Variants in SYNE1 observed in about 807,000 individuals in gnomAD.
The protein encoded by SYNE1 is spectrin repeat containing nuclear envelope protein 1.
In SYNE1, 616 loss-of-function variants were observed where a neutral mutation model predicts 1,111.0. The observed-to-expected ratio is 0.55, with a 90% CI of 0.52 to 0.59. The LOEUF (loss-of-function observed/expected upper bound fraction) is 0.59, where lower values mean the gene tolerates loss of function less well. Among genes scored for constraint, SYNE1 ranks in the 20% least tolerant of loss-of-function variants. SYNE1 has a pLI of 0.00. For synonymous variants in SYNE1, 3,855 were observed against 3,825.8 expected (o/e 1.01, Z -0.28); for missense variants, 10,006 against 10,417.0 (o/e 0.96, Z 1.72).
At chr6:152,420,122 C>T (rs1004175198) in intron 39 of SYNE1, among the ~76,000 whole-genome samples, 6 of 152,106 alleles carry the variant, frequency 3.9e-5, no homozygotes, top group Non-Finnish European at 7.4e-5. Flanking sequence ...AGTTTTTAAT[C>T]GTGTCTTTAA....
chr6:152,155,726 T>G (rs1462202472), intron 132 of SYNE1, among the ~76,000 whole-genome samples, 184 bp downstream of exon 132: 2 of 152,226 alleles, frequency 1.3e-5, no homozygotes, highest in Non-Finnish European at 2.9e-5. Flanking sequence ...CTTGTTATAT[T>G]TATATATTAC....
intron 47 of SYNE1, among the ~76,000 whole-genome samples, chr6:152,400,528 T>C (rs2097796321): frequency 6.6e-6 from 1 of 151,994 alleles, no homozygotes. Context: ...CTGGGCATGG[T>C]GGTGGGTGCC....
chr6:152,480,727 G>A (rs768771394), intron 14 of SYNE1: 6 of 456,178 alleles, frequency 1.3e-5, no homozygotes, highest in South Asian at 9.3e-5. Context: ...AACCTGGCCT[G>A]AGCCCCTGTC....
At chr6:152,555,028 A>G (rs2099360170) in intron 3 of SYNE1, among the ~76,000 whole-genome samples, 1 of 152,240 alleles carries the variant, frequency 6.6e-6, no homozygotes, top group African/African-American at 2.4e-5. Flanking sequence ...ATCTTAAAAG[A>G]GGAAGACTTA....
At chr6:152,623,418 C>A (rs1352826275) in intron 3 of SYNE1, among the ~76,000 whole-genome samples, 1 of 152,098 alleles carries the variant, frequency 6.6e-6, no homozygotes, top group Non-Finnish European at 1.5e-5. Context: ...ACTATAAAAA[C>A]CACAGAAGAC....
intron 32 of SYNE1, among the ~76,000 whole-genome samples, chr6:152,437,156 AG>A (rs1241337122): frequency 6.0e-5 from 9 of 150,978 alleles, no homozygotes; most frequent in South Asian, 2.1e-4. Flanking sequence ...TTTGTCTCAA[AG>A]AAAAAAGAGA....
intron 95 of SYNE1, 72 bp from the exon 96 acceptor site, chr6:152,284,244 T>G (rs1190534162): frequency 6.7e-7 from 1 of 1,489,588 alleles, no homozygotes; most frequent in African/African-American, 1.4e-5. Context: ...ACTAGCTGAG[T>G]CTCACATCCA....
Position 152,155,446 on chromosome 6 carries a change from A to G in SYNE1, c.23979-404T>C, listed in dbSNP as rs950207710. The G allele has an allele frequency of 1.3e-5, 4 of 310,582 alleles. No individual in the cohort carries two copies. In the Admixed American group the frequency reaches 1.9e-4, roughly 15 times the overall value. 19.2% of individuals were successfully genotyped at this position (310,582 alleles called of 1,614,324 possible). A position where few individuals can be genotyped will look rare whatever the true frequency, so the allele number is the denominator to read the frequency against. On this transcript the variant is annotated intron_variant, in intron 132 of 145. Coordinates refer to ENST00000367255, the MANE Select transcript of SYNE1 (RefSeq NM_182961.4). Reference sequence around the variant, plus strand: ...TCCAACATTCAACTCACACTGACAAAAGTTAATCTATGACAGCAGGACAAA... The same window carrying G: ...TCCAACATTCAACTCACACTGACAAGAGTTAATCTATGACAGCAGGACAAA...
intron 123 of SYNE1, among the ~76,000 whole-genome samples, chr6:152,213,382 A>T (rs577935117): frequency 6.6e-6 from 1 of 152,206 alleles, no homozygotes; most frequent in East Asian, 1.9e-4. Context: ...ATACTTTACA[A>T]GGAACTGAAG....
chr6:152,392,625 GT>G (rs1242677614), intron 51 of SYNE1, among the ~76,000 whole-genome samples: 2 of 152,034 alleles, frequency 1.3e-5, no homozygotes, highest in Non-Finnish European at 2.9e-5. Context: ...TCTGCTAAGA[GT>G]TATACAACAA....
chr6:152,377,751 C>T (rs1226764246), intron 56 of SYNE1, among the ~76,000 whole-genome samples: 1 of 136,902 alleles, frequency 7.3e-6, no homozygotes, highest in African/African-American at 2.7e-5. Context: ...TCTTATAATC[C>T]ATGAGTCTGG....
chr6:152,609,796 T>G (rs1260199382), intron 3 of SYNE1, among the ~76,000 whole-genome samples: 1 of 152,158 alleles, frequency 6.6e-6, no homozygotes, highest in East Asian at 1.9e-4. Context: ...CAGCAGTATT[T>G]GCTCTTCTGC....
intron 3 of SYNE1, among the ~76,000 whole-genome samples, chr6:152,600,267 GAACTGAGAGTCCA>G (rs1485905716): frequency 1.3e-5 from 2 of 152,292 alleles, no homozygotes; most frequent in East Asian, 1.9e-4. Context: ...AGGTGAGAAG[GAACTGAGAGTCCA>G]AACAGATCTC....
chr6:152,136,487 G>T (rs955810186), intron 141 of SYNE1, 131 bp downstream of exon 141: 2 of 1,102,796 alleles, frequency 1.8e-6, no homozygotes, highest in Non-Finnish European at 2.7e-6. Context: ...TGGGCACAAG[G>T]TTATCTCACT....
At chr6:152,552,851 C>A (rs1421855278) in intron 3 of SYNE1, among the ~76,000 whole-genome samples, 2 of 152,154 alleles carry the variant, frequency 1.3e-5, no homozygotes, top group African/African-American at 4.8e-5. Context: ...AATAGAAGAT[C>A]TACTGGACTC....
intron 3 of SYNE1, among the ~76,000 whole-genome samples, chr6:152,596,731 C>T (rs899141138): frequency 6.6e-6 from 1 of 152,056 alleles, no homozygotes. Context: ...ATCTTGTTAA[C>T]GATGGTATTC....
At chr6:152,301,780 C>A in intron 92 of SYNE1, 89 bp downstream of exon 92, 1 of 1,377,734 alleles carries the variant, frequency 7.3e-7, no homozygotes, top group South Asian at 1.4e-5. Context: ...GAAGGCTGGT[C>A]CCTGAAATCA....
In SYNE1 at chr6:152,376,543, T is replaced by C. The variant is rs763709926; in HGVS notation, c.9162A>G (p.Ala3054=). ...GTTCTTTATTCTGGCAGCCCTTGGA[T>C]GCTTGCAAACAAAGACTGAAAAGGT... The part of the protein sequence containing the change: ...IKEYNCLCLQ[A]SKGCQNKEQI... Residue 3054 remains alanine (A), a synonymous_variant, in exon 58 of 146, where the codon GCA becomes GCG. Transcript: ENST00000367255. The C allele has an allele frequency of 1.2e-6, 2 of 1,614,040 alleles. No homozygotes were observed. Among genetic ancestry groups the C allele is most frequent in the Middle Eastern group, 1.6e-4 (1 of 6,062 alleles).
At chr6:152,251,945 A>G (rs1052068261) in intron 104 of SYNE1, among the ~76,000 whole-genome samples, 19 of 151,972 alleles carry the variant, frequency 1.3e-4, no homozygotes, top group Non-Finnish European at 2.5e-4. Flanking sequence ...CTAGCCATTG[A>G]GAAACAGATT....
Sources: gnomAD v4.1 joint callset for allele counts (sites outside exome capture counted in the v4.1 genomes callset) on GRCh38, gnomAD v4.1.1 for gene constraint, MANE v1.5 for transcripts, NCBI Gene and HGNC (gene_info 2026-07-23, HGNC 2026-07-21) for gene names.